COL5A2: variants seen among roughly 807,000 people sequenced by gnomAD.
COL5A2 encodes the protein collagen alpha-2(V) chain.
COL5A2 carries 23 observed loss-of-function variants against 208.2 expected under a neutral mutation model. The ratio of observed to expected loss-of-function variants is 0.11; its 90% CI spans 0.08 to 0.16. COL5A2 has a LOEUF of 0.16. COL5A2 is among the 10% of genes least tolerant of loss of function. COL5A2 has a pLI of 1.00. For synonymous variants in COL5A2, 625 were observed against 628.5 expected (o/e 0.99, Z 0.08); for missense variants, 1,590 against 1,956.4 (o/e 0.81, Z 3.53).
chr2:189,345,915 T>C, the COL5A2 span, among the ~76,000 whole-genome samples: 1 of 152,204 alleles, frequency 6.6e-6, no homozygotes, highest in Non-Finnish European at 1.5e-5. Flanking sequence ...TACTCCATAC[T>C]AGTAAGTGTT....
chr2:189,085,354 G>C, intron 10 of COL5A2, 141 bp from the exon 11 acceptor site: 1 of 854,962 alleles, frequency 1.2e-6, no homozygotes, highest in South Asian at 1.6e-5. Flanking sequence ...TTGAGACAGA[G>C]AAAATAGTTT....
chr2:189,406,683 G>A, the COL5A2 span, among the ~76,000 whole-genome samples: 66 of 152,160 alleles, frequency 4.3e-4, no homozygotes, highest in African/African-American at 1.4e-3. Context: ...TAAACTGACC[G>A]ACTTATACAT....
chr2:189,406,544 T>TCAC, the COL5A2 span, among the ~76,000 whole-genome samples: 768 of 152,284 alleles, frequency 5.0e-3, 5 homozygotes, highest in African/African-American at 0.018. Flanking sequence ...CTGCTAAGCT[T>TCAC]CACCAGAAAA....
At chr2:189,266,250 C>A in the COL5A2 span, among the ~76,000 whole-genome samples, 140,816 of 152,096 alleles carry the variant, frequency 0.93, 65,468 homozygotes, top group East Asian at 1. Flanking sequence ...ACATGGTGAA[C>A]CCCTGTCTCT....
chr2:189,321,268 A>G, the COL5A2 span, among the ~76,000 whole-genome samples: 1 of 152,200 alleles, frequency 6.6e-6, no homozygotes, highest in East Asian at 1.9e-4. Flanking sequence ...CTAACGAGTA[A>G]AATAACCAGC....
chr2:189,321,957 C>T, the COL5A2 span, among the ~76,000 whole-genome samples: 2 of 152,146 alleles, frequency 1.3e-5, no homozygotes, highest in Non-Finnish European at 2.9e-5. Context: ...TGTAAAAGAA[C>T]AGAAATTATA....
In COL5A2 at chr2:189,097,257, G is replaced by A. The variant is rs2105683018; in HGVS notation, c.456+20C>T. 6.2e-7 allele frequency: 1 copy of A among 1,613,576 alleles called. No homozygotes were observed. Among genetic ancestry groups the A allele is most frequent in the Non-Finnish European group, 8.5e-7 (1 of 1,179,536 alleles). ...TGACTGGCTGTACGTTCCCCACAAG[G>A]AGCCCTCCTGTCAACTTACAGGTCT... On this transcript the variant is annotated intron_variant, in intron 6 of 53. Transcript: ENST00000374866.
the COL5A2 span, among the ~76,000 whole-genome samples, chr2:189,334,154 A>C: frequency 6.6e-6 from 1 of 152,180 alleles, no homozygotes; most frequent in Middle Eastern, 3.4e-3. Flanking sequence ...TTAAGAACTC[A>C]CATCCTATAT....
At chr2:189,350,707 G>A in the COL5A2 span, among the ~76,000 whole-genome samples, 25 of 152,212 alleles carry the variant, frequency 1.6e-4, no homozygotes, top group Non-Finnish European at 1.2e-4. Flanking sequence ...TAATTGTTCT[G>A]GGCATCAAGG....
At chr2:189,311,892 G>A in the COL5A2 span, 4 of 988,666 alleles carry the variant, frequency 4.0e-6, no homozygotes, top group South Asian at 3.8e-5. Flanking sequence ...TCCTCTTTGT[G>A]GTTCTTCTTT....
At chr2:189,139,857 G>A (rs1274533634) in intron 1 of COL5A2, among the ~76,000 whole-genome samples, 1 of 152,000 alleles carries the variant, frequency 6.6e-6, no homozygotes, top group Non-Finnish European at 1.5e-5. Context: ...GGCAGATCAC[G>A]AGGTCAGGAA....
the COL5A2 span, among the ~76,000 whole-genome samples, chr2:189,235,518 G>A: frequency 6.6e-6 from 1 of 151,690 alleles, no homozygotes; most frequent in Non-Finnish European, 1.5e-5. Context: ...ACATTATGAT[G>A]TTTAATTTCA....
At chr2:189,202,007 T>C (rs1324262299) in intron 1 of COL5A2, among the ~76,000 whole-genome samples, 1 of 151,208 alleles carries the variant, frequency 6.6e-6, no homozygotes, top group Non-Finnish European at 1.5e-5. Flanking sequence ...TATGCACATA[T>C]AATAATAAAT....
chr2:189,075,874 T>C (rs1375174648), intron 16 of COL5A2, among the ~76,000 whole-genome samples: 3 of 152,186 alleles, frequency 2.0e-5, no homozygotes, highest in African/African-American at 4.8e-5. Context: ...CCTTAAGTAC[T>C]GAAGTATTCA....
the COL5A2 span, among the ~76,000 whole-genome samples, chr2:189,253,798 C>T: frequency 6.6e-6 from 1 of 152,188 alleles, no homozygotes; most frequent in Non-Finnish European, 1.5e-5. Flanking sequence ...TTATTCTTGA[C>T]CCTTACCACA....
chr2:189,312,504 T>G, the COL5A2 span, among the ~76,000 whole-genome samples: 51 of 152,220 alleles, frequency 3.4e-4, no homozygotes, highest in East Asian at 4.3e-3. Context: ...AGACCAGTAG[T>G]TGGTGAAGGT....
intron 1 of COL5A2, among the ~76,000 whole-genome samples, chr2:189,165,433 C>T (rs1178698316): frequency 6.6e-6 from 1 of 152,206 alleles, no homozygotes; most frequent in East Asian, 1.9e-4. Context: ...GGATTCACTG[C>T]TCCCTTATCC....
chr2:189,141,190 G>T (rs763246553), intron 1 of COL5A2, among the ~76,000 whole-genome samples: 1 of 152,116 alleles, frequency 6.6e-6, no homozygotes, highest in Non-Finnish European at 1.5e-5. Context: ...CGACTTGGAA[G>T]TTAGCTGGAA....
At chr2:189,135,257 C>T (rs1344313505) in intron 1 of COL5A2, among the ~76,000 whole-genome samples, 1 of 152,174 alleles carries the variant, frequency 6.6e-6, no homozygotes, top group East Asian at 1.9e-4. Flanking sequence ...TGGACTATTA[C>T]CTCAACCCTA....
Sources: gnomAD v4.1 joint callset for allele counts (sites outside exome capture counted in the v4.1 genomes callset) on GRCh38, gnomAD v4.1.1 for gene constraint, MANE v1.5 for transcripts, NCBI Gene and HGNC (gene_info 2026-07-23, HGNC 2026-07-21) for gene names.